Variants in EDNRB observed in about 807,000 individuals in gnomAD.
EDNRB encodes endothelin receptor type B.
A neutral mutation model predicts 46.4 loss-of-function variants in EDNRB; 18 were observed. That is an observed-to-expected ratio of 0.39 (90% CI 0.27 to 0.57). The LOEUF is 0.57. Ranked by LOEUF, EDNRB falls within the 20% of genes least tolerant of loss-of-function variation. The probability of loss-of-function intolerance (pLI) is 0.61; values close to 1 mark genes in which losing one functional copy is unlikely to be tolerated. For missense variants in EDNRB, 434 were observed against 537.5 expected (o/e 0.81, Z 1.90); for synonymous variants, 213 against 204.9 (o/e 1.04, Z -0.34).
chr13:77,920,109 C>A (rs1297751487), upstream of EDNRB, among the ~76,000 whole-genome samples: 1 of 152,164 alleles, frequency 6.6e-6, no homozygotes, highest in Non-Finnish European at 1.5e-5. Context: ...CCCAGTACAG[C>A]TCTTCTCCTC....
At chr13:77,921,000 T>A (rs1321677635), upstream of EDNRB, among the ~76,000 whole-genome samples, 1 of 152,182 alleles carries the variant, frequency 6.6e-6, no homozygotes, top group Non-Finnish European at 1.5e-5. Flanking sequence ...CACTGAGTCC[T>A]GGAAGTCTGC....
At chr13:77,966,333 T>C (rs1417232281) in intron 1 of EDNRB, among the ~76,000 whole-genome samples, 1 of 152,190 alleles carries the variant, frequency 6.6e-6, no homozygotes, top group East Asian at 1.9e-4. Flanking sequence ...ACAAAAGCAT[T>C]CTATTTCTTC....
At chr13:77,927,981 C>T (rs1412765633) in intron 1 of EDNRB, among the ~76,000 whole-genome samples, 2 of 152,158 alleles carry the variant, frequency 1.3e-5, no homozygotes, top group Admixed American at 1.3e-4. Context: ...AGCTCTCTTG[C>T]CTGCTGCCAA....
At chr13:77,949,297 C>T (rs117633593) in intron 1 of EDNRB, among the ~76,000 whole-genome samples, 2,210 of 152,226 alleles carry the variant, frequency 0.015, 46 homozygotes, top group East Asian at 0.024. Flanking sequence ...TCTGGACAGC[C>T]CTTGTTAATG....
chr13:77,918,559 T>C lies in EDNRB; in HGVS notation c.15A>G (p.Pro5=), dbSNP rs1419385479. The part of the protein sequence containing the change: MQPP[P]SLCGRALVAL... ...CAACCAGGGCGCGTCCGCACAGACT[T>C]GGAGGCGGCTGCATGCTGCTACCTG... Residue 5 remains proline (P), a synonymous_variant, in exon 1 of 7, where the codon CCA becomes CCG. Coordinates refer to ENST00000646607, the MANE Select transcript of EDNRB (RefSeq NM_001122659.3). The surrounding 1 kb of genome is among the most constrained non-coding windows in gnomAD (Gnocchi z 4.5). 1 of 1,598,238 alleles carries C rather than the reference T, an allele frequency of 6.3e-7. No homozygotes were observed. The highest frequency in any genetic ancestry group is 1.3e-5 in the African/African-American group (1 of 74,208).
At chr13:77,916,654 T>C (rs1287731164) in intron 1 of EDNRB, among the ~76,000 whole-genome samples, 1 of 152,182 alleles carries the variant, frequency 6.6e-6, no homozygotes, top group Non-Finnish European at 1.5e-5. Context: ...CAGGCATGCC[T>C]TATGGTAACT....
chr13:77,972,681 G>T (rs902254249), intron 1 of EDNRB, among the ~76,000 whole-genome samples: 7 of 152,090 alleles, frequency 4.6e-5, no homozygotes, highest in Non-Finnish European at 1.0e-4. Flanking sequence ...TCTCCACAGG[G>T]TATAACAAGG....
intron 1 of EDNRB, among the ~76,000 whole-genome samples, chr13:77,955,730 C>T (rs1881215581): frequency 6.6e-6 from 1 of 152,080 alleles, no homozygotes; most frequent in Admixed American, 6.6e-5. Flanking sequence ...AAAGAGACTA[C>T]CCTTTCCCTA....
chr13:77,903,447 A>G (rs1434643064), intron 2 of EDNRB, 48 bp downstream of exon 2: 2 of 1,609,960 alleles, frequency 1.2e-6, no homozygotes, highest in Admixed American at 3.3e-5. Context: ...AACATGGAAA[A>G]CAATAGTATA....
chr13:77,905,680 C>T (rs2137616645), intron 1 of EDNRB, among the ~76,000 whole-genome samples: 1 of 152,042 alleles, frequency 6.6e-6, no homozygotes, highest in South Asian at 2.1e-4. Context: ...TCAGTAAGGT[C>T]ACCCTGAAGA....
intron 1 of EDNRB, among the ~76,000 whole-genome samples, chr13:77,943,904 A>T (rs150906778): frequency 9.1e-4 from 139 of 152,190 alleles, no homozygotes; most frequent in African/African-American, 3.2e-3. Context: ...TTTCTATAAT[A>T]TAGTCCTTTT....
intron 1 of EDNRB, among the ~76,000 whole-genome samples, chr13:77,941,428 G>C (rs190229087): frequency 2.4e-4 from 36 of 152,326 alleles, no homozygotes; most frequent in Non-Finnish European, 3.2e-4. Flanking sequence ...GAGTTCACAA[G>C]GAGCCACAGT....
At chr13:77,902,280 A>C (rs575814234) in intron 3 of EDNRB, among the ~76,000 whole-genome samples, 135 of 152,054 alleles carry the variant, frequency 8.9e-4, no homozygotes, top group Non-Finnish European at 1.6e-3. Context: ...AGTAGTTGTC[A>C]GTCCTTATGG....
chr13:77,960,513 G>A (rs966961828), intron 1 of EDNRB, among the ~76,000 whole-genome samples: 7 of 152,146 alleles, frequency 4.6e-5, no homozygotes, highest in Non-Finnish European at 5.9e-5. Flanking sequence ...CACCAGGCCT[G>A]CCCTACAAGA....
At chr13:77,946,343 C>T (rs1486856102) in intron 1 of EDNRB, among the ~76,000 whole-genome samples, 9 of 152,152 alleles carry the variant, frequency 5.9e-5, no homozygotes, top group East Asian at 3.9e-4. Context: ...AGAGGAGATA[C>T]GGAAGGAATG....
intron 1 of EDNRB, among the ~76,000 whole-genome samples, chr13:77,972,784 A>G (rs1881774227): frequency 6.6e-6 from 1 of 152,240 alleles, no homozygotes; most frequent in African/African-American, 2.4e-5. Context: ...AGAAAGAGTA[A>G]TAGAATAGAT....
chr13:77,905,307 A>G (rs2137615920), intron 1 of EDNRB, among the ~76,000 whole-genome samples: 1 of 152,084 alleles, frequency 6.6e-6, no homozygotes, highest in East Asian at 1.9e-4. Flanking sequence ...TAAAGAACCC[A>G]GATTGGAATT....
chr13:77,964,495 G>A (rs141179277), intron 1 of EDNRB, among the ~76,000 whole-genome samples: 93 of 152,206 alleles, frequency 6.1e-4, no homozygotes, highest in African/African-American at 2.1e-3. Flanking sequence ...GGATGAAGCT[G>A]GAAACCATCA....
At chr13:77,961,183 C>T (rs1173176408) in intron 1 of EDNRB, among the ~76,000 whole-genome samples, 1 of 152,056 alleles carries the variant, frequency 6.6e-6, no homozygotes, top group Non-Finnish European at 1.5e-5. Flanking sequence ...CAGCTCTGCA[C>T]CAAGCAGACC....
Sources: gnomAD v4.1 joint callset for allele counts (sites outside exome capture counted in the v4.1 genomes callset) on GRCh38, gnomAD v4.1.1 for gene constraint, Gnocchi (gnomAD v3.1) non-coding constraint, MANE v1.5 for transcripts, NCBI Gene and HGNC (gene_info 2026-07-23, HGNC 2026-07-21) for gene names.